Variants in ZNF773 observed in about 807,000 individuals in gnomAD.
ZNF773 encodes the protein zinc finger protein 773.
A neutral mutation model predicts 12.8 loss-of-function variants in ZNF773; 11 were observed. The observed-to-expected ratio is 0.86, with a 90% CI of 0.54 to 1.42. ZNF773 has a LOEUF of 1.42. Among genes scored for constraint, ZNF773 ranks in the 40% most tolerant of loss-of-function variants. ZNF773 has a pLI of 0.00. For synonymous variants in ZNF773, 175 were observed against 178.4 expected (o/e 0.98, Z 0.15); for missense variants, 518 against 527.2 (o/e 0.98, Z 0.17).
In ZNF773 at chr19:57,507,748, G is replaced by T; in HGVS notation, c.*324G>T. On this transcript the variant is annotated 3_prime_UTR_variant, in exon 4 of 4. Transcript: ENST00000282292. ...TCACCACTTTGGGAGGCTGAAGCGG[G>T]CGGATCACAAGGTCAGGACATCGAA... The T allele has an allele frequency of 4.6e-6, 5 of 1,095,550 alleles. No homozygotes were observed. Among genetic ancestry groups the T allele is most frequent in the Non-Finnish European group, 5.6e-6 (5 of 894,910 alleles). The allele number at this position is 1,095,550 out of a possible 1,614,324, so 67.9% of individuals were successfully genotyped here.
chr19:57,508,811 T>C (rs570793690), downstream of ZNF773, among the ~76,000 whole-genome samples: 1 of 152,154 alleles, frequency 6.6e-6, no homozygotes, highest in South Asian at 2.1e-4. Context: ...AATGTGCTTA[T>C]TCGTCACACG....
At chr19:57,503,464 G>C (rs190093450) in intron 1 of ZNF773, among the ~76,000 whole-genome samples, 77 of 152,210 alleles carry the variant, frequency 5.1e-4, no homozygotes, top group African/African-American at 1.8e-3. Context: ...ATAGACATGA[G>C]ATGGACATGA....
chr19:57,508,277 G>A (rs1192948213), downstream of ZNF773: 3 of 1,212,748 alleles, frequency 2.5e-6, no homozygotes, highest in Non-Finnish European at 3.1e-6. Context: ...TGTTCCTCCT[G>A]AGAAAATAGC....
downstream of ZNF773, chr19:57,515,539 TG>T (rs1467888010): frequency 6.6e-6 from 1 of 152,226 alleles, no homozygotes; most frequent in Non-Finnish European, 1.5e-5. Flanking sequence ...GCTATGTTCA[TG>T]TGACTACAGA....
rs1213816628 is a variant in ZNF773, at chr19:57,499,980, G to A, written c.-101G>A. The A allele has an allele frequency of 2.1e-6, 3 of 1,442,684 alleles. No individual in the cohort carries two copies. The highest frequency in any genetic ancestry group is 2.6e-5 in the East Asian group (1 of 38,220). 89.4% of individuals were successfully genotyped at this position (1,442,684 alleles called of 1,614,324 possible). A position where few individuals can be genotyped will look rare whatever the true frequency, so the allele number is the denominator to read the frequency against. On this transcript the variant is annotated 5_prime_UTR_variant, in exon 1 of 4. Coordinates refer to ENST00000282292, the MANE Select transcript of ZNF773 (RefSeq NM_198542.3). ...GCTCCGGAAAGCGCGGTGGGGACGC[G>A]CTGTGTTCTCGCAGCTCAGAGGCGG... is the stretch of plus-strand genomic sequence containing the variant.
chr19:57,502,154 C>T (rs1444041390), intron 1 of ZNF773, among the ~76,000 whole-genome samples: 2 of 152,022 alleles, frequency 1.3e-5, no homozygotes, highest in Admixed American at 6.5e-5. Context: ...GTTGGTCAAG[C>T]AGGTCTCAAA....
In ZNF773 at chr19:57,507,340, T is replaced by C; in HGVS notation, c.1245T>C (p.Tyr415=). 1.2e-6 allele frequency: 2 copies of C among 1,614,220 alleles called. No individual in the cohort carries two copies. Among genetic ancestry groups the C allele is most frequent in the East Asian group, 2.2e-5 (1 of 44,888 alleles). ...HQRVHTGAKP[Y]ECRECGKFFR... ...GGGTTCACACTGGAGCAAAGCCTTA[T>C]GAGTGCAGGGAATGTGGGAAATTTT... Residue 415 remains tyrosine (Y), a synonymous_variant, in exon 4 of 4, where the codon TAT becomes TAC. Coordinates refer to ENST00000282292, the MANE Select transcript of ZNF773 (RefSeq NM_198542.3).
At chr19:57,506,214 C>T in intron 3 of ZNF773, 144 bp from the exon 4 acceptor site, 1 of 1,334,112 alleles carries the variant, frequency 7.5e-7, no homozygotes, top group South Asian at 1.4e-5. Context: ...CACTGCACAG[C>T]AGGCCCTTCC....
rs766788581 is a variant in ZNF773 at position 57,506,662 on chromosome 19, G to T, written c.567G>T (p.Arg189Ser). 6.2e-7 allele frequency: 1 copy of T among 1,614,112 alleles called. No individual in the cohort carries two copies. The highest frequency in any genetic ancestry group is 1.3e-5 in the African/African-American group (1 of 74,930). Residue 189 changes from arginine (R) to serine (S), a missense_variant, in exon 4 of 4, where the codon AGG (arginine) becomes AGT (serine). Arg to Ser is a moderately radical substitution (Grantham distance 110, BLOSUM62 -1). Transcript: ENST00000282292. ...GGGAGGCCTTTCATGCTGGAAAAAG[G>T]CATTACAAATGCAGTGAATGTGGGA... ...KSREAFHAGK[R>S]HYKCSECGKA... is the part of the protein sequence containing the mutation.
exon 5 of ZNF773, chr19:57,518,259 C>T (rs538016625): frequency 6.6e-6 from 1 of 152,244 alleles, no homozygotes; most frequent in East Asian, 1.9e-4. Context: ...TCTATAGGAA[C>T]ATCTGGAGGC....
At chr19:57,511,010 G>T (rs12986149), downstream of ZNF773, among the ~76,000 whole-genome samples, 41,580 of 151,172 alleles carry the variant, frequency 0.28, 6,284 homozygotes, top group Middle Eastern at 0.37. Context: ...AAAGGGCCTG[G>T]ACTAATTGCC....
downstream of ZNF773, chr19:57,515,891 C>T (rs192383778): frequency 9.9e-5 from 15 of 152,182 alleles, no homozygotes; most frequent in East Asian, 2.7e-3. Context: ...TTTTTTGACT[C>T]CTGGTATGGA....
At chr19:57,510,473 A>G (rs1216150853), downstream of ZNF773, among the ~76,000 whole-genome samples, 1 of 152,208 alleles carries the variant, frequency 6.6e-6, no homozygotes, top group Non-Finnish European at 1.5e-5. Context: ...TTTCCCCAAC[A>G]TTAGGAATAA....
downstream of ZNF773, among the ~76,000 whole-genome samples, chr19:57,510,903 TC>T (rs34309066): frequency 0.21 from 31,399 of 152,014 alleles, 3,371 homozygotes; most frequent in African/African-American, 0.25. Context: ...TTGTCAGTTT[TC>T]CTTTAACTGT....
intron 1 of ZNF773, among the ~76,000 whole-genome samples, chr19:57,502,994 G>A (rs903727353): frequency 1.2e-4 from 18 of 152,156 alleles, no homozygotes; most frequent in African/African-American, 4.3e-4. Flanking sequence ...CCTAGCCAGA[G>A]TCTGTGTTTT....
downstream of ZNF773, chr19:57,516,880 G>A (rs1464767961): frequency 2.0e-5 from 3 of 152,214 alleles, no homozygotes; most frequent in Non-Finnish European, 4.4e-5. Context: ...CATAAATTTT[G>A]CTGGCACTGG....
In ZNF773 at chr19:57,506,521, A is replaced by G; in HGVS notation, c.426A>G (p.Leu142=). Residue 142 remains leucine (L), a synonymous_variant, in exon 4 of 4, where the codon CTA becomes CTG. Transcript: ENST00000282292. ...TTTTGAGGAGTTGCAGAGTCCACCT[A>G]TCAGAGAAGTCCTTGCAAAGCAGGG... The part of the protein sequence containing the change: ...VPVLRSCRVH[L]SEKSLQSREV... 4 of 1,614,218 alleles carry G rather than the reference A, an allele frequency of 2.5e-6. No homozygotes were observed. The highest frequency in any genetic ancestry group is 3.4e-6 in the Non-Finnish European group (4 of 1,180,032).
intron 3 of ZNF773, 43 bp downstream of exon 3, chr19:57,505,443 G>A (rs1277896392): frequency 1.2e-6 from 2 of 1,607,580 alleles, no homozygotes; most frequent in Non-Finnish European, 1.7e-6. Context: ...ACTCGGGTAT[G>A]GGTTTGTATC....
chr19:57,505,028 C>G (rs2089713374), intron 2 of ZNF773: 1 of 723,156 alleles, frequency 1.4e-6, no homozygotes, highest in East Asian at 2.7e-5. Context: ...CTTGATGGAT[C>G]TTATCCCTGG....
Sources: allele counts gnomAD v4.1 joint callset (sites outside exome capture counted in the v4.1 genomes callset), GRCh38; gene constraint gnomAD v4.1.1; transcripts MANE v1.5; gene names NCBI Gene and HGNC (gene_info 2026-07-23, HGNC 2026-07-21).